QRFPR: variants seen among roughly 807,000 people sequenced by gnomAD.
The protein encoded by QRFPR is pyroglutamylated RFamide peptide receptor, also known as pyroglutamylated RF-amide peptide receptor.
QRFPR carries 37 observed loss-of-function variants against 31.3 expected under a neutral mutation model. That is an observed-to-expected ratio of 1.18 (90% CI 0.91 to 1.56). The LOEUF is 1.56. Among genes scored for constraint, QRFPR ranks in the 40% most tolerant of loss-of-function variants. QRFPR has a pLI of 0.00. For missense variants in QRFPR, 542 were observed against 532.5 expected (o/e 1.02, Z -0.18); for synonymous variants, 197 against 192.0 (o/e 1.03, Z -0.22).
rs1725524817 is a variant in QRFPR at position 121,340,606 on chromosome 4, A to C, written c.345T>G (p.Ala115=). The change falls in exon 2 of 6, where the codon GCT becomes GCG. Residue 115 remains alanine (A), a synonymous_variant. Transcript: ENST00000394427. The part of the protein sequence containing the change: ...QNISDNWLGG[A]FICKMVPFVQ... ...CAAATGGCACCATCTTGCAAATGAA[A>C]GCACCTGCAGTAAGGAAATAGGACA... is the stretch of plus-strand genomic sequence containing the variant. 3.1e-6 allele frequency: 5 copies of C among 1,613,372 alleles called. No individual in the cohort carries two copies. Among genetic ancestry groups the C allele is most frequent in the Non-Finnish European group, 4.2e-6 (5 of 1,179,450 alleles).
chr4:121,365,611 ATTATATATATT>A (rs1726110856), intron 1 of QRFPR, among the ~76,000 whole-genome samples: 1 of 8,818 alleles, frequency 1.1e-4, no homozygotes, highest in African/African-American at 5.0e-4. Flanking sequence ...TAATATATAT[ATTATATATATT>A]ATATATTATA....
chr4:121,345,719 T>C lies in QRFPR; in HGVS notation c.341-5109A>G, dbSNP rs145767827. 6.2e-4 allele frequency among the ~76,000 whole-genome samples: 95 copies of C among 152,290 alleles called. 1 individual carries two copies. In the East Asian group the frequency reaches 0.014, roughly 23 times the overall value. ...TGCCTTCCATTCTCAACTTAAATCA[T>C]TTATACAACTCTATTGCCCAAAACA... On this transcript the variant is annotated intron_variant, in intron 1 of 5. Coordinates refer to ENST00000394427, the MANE Select transcript of QRFPR (RefSeq NM_198179.3).
intron 1 of QRFPR, among the ~76,000 whole-genome samples, chr4:121,376,768 A>C (rs1286044582): frequency 6.6e-6 from 1 of 152,190 alleles, no homozygotes; most frequent in Non-Finnish European, 1.5e-5. Flanking sequence ...CATTTTCAAA[A>C]GCCCTTCAGG....
chr4:121,372,792 G>A (rs558223152), intron 1 of QRFPR, among the ~76,000 whole-genome samples: 1 of 152,300 alleles, frequency 6.6e-6, no homozygotes, highest in East Asian at 1.9e-4. Flanking sequence ...ATTCCACTGT[G>A]TGTATACACA....
chr4:121,369,310 T>A, intron 1 of QRFPR: 1 of 499,296 alleles, frequency 2.0e-6, no homozygotes, highest in Non-Finnish European at 3.5e-6. Context: ...ATTACAGGCG[T>A]GAGCCACTGT....
rs923817056 is a variant in QRFPR at position 121,362,639 on chromosome 4, A to G, written c.340+17669T>C. Among the ~76,000 whole-genome samples the G allele has an allele frequency of 3.3e-4, 50 of 150,320 alleles. 2 individuals carry two copies. Among genetic ancestry groups the G allele is most frequent in the African/African-American group, 1.2e-3 (50 of 40,672 alleles). ...GGAAAGAACAGATGAATAGATCAAT[A>G]GAATAGAATAGAGAGCTCAGCAATC... On this transcript the variant is annotated intron_variant, in intron 1 of 5. Coordinates refer to ENST00000394427, the MANE Select transcript of QRFPR (RefSeq NM_198179.3).
chr4:121,353,190 A>G (rs1725796932), intron 1 of QRFPR, among the ~76,000 whole-genome samples: 1 of 152,084 alleles, frequency 6.6e-6, no homozygotes, highest in Non-Finnish European at 1.5e-5. Flanking sequence ...GAATGCAGCT[A>G]TCTCTTCAAT....
At position 121,349,111 on chromosome 4, in the gene QRFPR, G is replaced by GTAAAA. The variant is rs111688711; in HGVS notation, c.341-8506_341-8502dup. Among the ~76,000 whole-genome samples the GTAAAA allele has an allele frequency of 4.2e-4, 64 of 151,124 alleles. 1 individual carries two copies. The highest frequency in any genetic ancestry group is 2.5e-3 in the South Asian group (12 of 4,774). ...GAAGACTCCATCTCAAAAAAATAAA[G>GTAAAA]TAAAATAAAATAAAATAAAATAAAA... On this transcript the variant is annotated intron_variant, in intron 1 of 5. Coordinates refer to ENST00000394427, the MANE Select transcript of QRFPR (RefSeq NM_198179.3).
chr4:121,332,947 A>G lies in QRFPR; in HGVS notation c.671T>C (p.Leu224Pro). The change falls in exon 4 of 6, where the codon CTC (leucine) becomes CCC (proline). Residue 224 changes from leucine (L) to proline (P), a missense_variant. Physicochemically the swap from Leu to Pro is moderately conservative, Grantham distance 98. Coordinates refer to ENST00000394427, the MANE Select transcript of QRFPR (RefSeq NM_198179.3). ...YTTFILVILF[L>P]LPLMVMLILY... ...AATAAGCATCACCATAAGAGGCAGG[A>G]GGAAGAGGATGACAAGGATGAAGGT... 6.2e-7 allele frequency: 1 copy of G among 1,614,066 alleles called. No individual in the cohort carries two copies. Among genetic ancestry groups the G allele is most frequent in the Non-Finnish European group, 8.5e-7 (1 of 1,179,934 alleles).
chr4:121,335,420 C>T (rs1280890345), intron 3 of QRFPR, among the ~76,000 whole-genome samples: 2 of 152,106 alleles, frequency 1.3e-5, no homozygotes, highest in African/African-American at 4.8e-5. Flanking sequence ...CTGGAGGTCT[C>T]AGTGCTGTTA....
chr4:121,332,924 T>C lies in QRFPR; in HGVS notation c.694A>G (p.Ile232Val). The change falls in exon 4 of 6, where the codon ATT becomes GTT. Residue 232 changes from isoleucine to valine, a missense_variant. By Grantham distance (29) the Ile-to-Val change is conservative (BLOSUM62 3). Coordinates refer to ENST00000394427, the MANE Select transcript of QRFPR (RefSeq NM_198179.3). Reference sequence around the variant, plus strand: ...TCATAACCAATTTTACTGTACAGAATAAGCATCACCATAAGAGGCAGGAGG... The same window carrying C: ...TCATAACCAATTTTACTGTACAGAACAAGCATCACCATAAGAGGCAGGAGG... ...LFLLPLMVML[I>V]LYSKIGYELW... 1 of 1,614,102 alleles carries C rather than the reference T, an allele frequency of 6.2e-7. No individual in the cohort carries two copies. Among genetic ancestry groups the C allele is most frequent in the African/African-American group, 1.3e-5 (1 of 75,050 alleles).
chr4:121,359,915 C>A (rs906064435), intron 1 of QRFPR, among the ~76,000 whole-genome samples: 3 of 151,944 alleles, frequency 2.0e-5, no homozygotes, highest in Admixed American at 6.6e-5. Flanking sequence ...TATCTCATCT[C>A]TGTAACTTGC....
chr4:121,350,641 A>C (rs1725747048), intron 1 of QRFPR, among the ~76,000 whole-genome samples: 1 of 152,156 alleles, frequency 6.6e-6, no homozygotes, highest in Non-Finnish European at 1.5e-5. Flanking sequence ...CAAAACAACT[A>C]CTTGTGATTT....
chr4:121,336,741 A>C, intron 3 of QRFPR, 66 bp downstream of exon 3: 1 of 1,286,178 alleles, frequency 7.8e-7, no homozygotes. Context: ...GAAGGAAAAT[A>C]ATTACAATTA....
In QRFPR at chr4:121,329,506, T is replaced by C. The variant is rs776316740; in HGVS notation, c.1104A>G (p.Thr368=). 13 of 1,614,026 alleles carry C rather than the reference T, an allele frequency of 8.1e-6. No homozygotes were observed. In the Admixed American group the frequency reaches 8.3e-5, roughly 10 times the overall value. ...PAQRHGNSGI[T]MMRKKAKFSL... is the part of the protein sequence containing the mutation. ...AAAACTTTGCTTTCTTCCGCATCAT[T>C]GTAATTCCTGAATTTCCATGCCTTT... The change falls in exon 6 of 6, where the codon ACA becomes ACG. Residue 368 remains threonine (T), a synonymous_variant. Transcript: ENST00000394427.
At chr4:121,340,421 A>G in intron 2 of QRFPR, 31 bp downstream of exon 2, 1 of 1,611,164 alleles carries the variant, frequency 6.2e-7, no homozygotes, top group South Asian at 1.1e-5. Context: ...AATGTCATTC[A>G]CACTGCCATT....
At chr4:121,334,519 T>C in intron 3 of QRFPR, 1 of 199,222 alleles carries the variant, frequency 5.0e-6, no homozygotes, top group Non-Finnish European at 1.1e-5. Flanking sequence ...CATAATTCAA[T>C]GACTGATGTC....
chr4:121,374,195 G>A (rs1363802201), intron 1 of QRFPR, among the ~76,000 whole-genome samples: 1 of 152,140 alleles, frequency 6.6e-6, no homozygotes, highest in African/African-American at 2.4e-5. Context: ...AAAACGTTAA[G>A]GGCTTTAGTA....
chr4:121,339,605 C>T (rs1725499956), intron 2 of QRFPR, among the ~76,000 whole-genome samples: 1 of 152,120 alleles, frequency 6.6e-6, no homozygotes, highest in Admixed American at 6.5e-5. Flanking sequence ...ACCCTGTTCT[C>T]CACTTTTCTA....
Sources: gnomAD v4.1 joint callset for allele counts (sites outside exome capture counted in the v4.1 genomes callset) on GRCh38, gnomAD v4.1.1 for gene constraint, MANE v1.5 for transcripts, NCBI Gene and HGNC (gene_info 2026-07-23, HGNC 2026-07-21) for gene names.